The following UTRN variants were observed in gnomAD, a reference collection of about 807,000 sequenced individuals.
UTRN encodes dystrophin-related protein 1.
UTRN carries 283 observed loss-of-function variants against 463.9 expected under a neutral mutation model. The ratio of observed to expected loss-of-function variants is 0.61; its 90% CI spans 0.55 to 0.67. The LOEUF is 0.67. Among genes scored for constraint, UTRN ranks in the 30% least tolerant of loss-of-function variants. The probability of loss-of-function intolerance (pLI) is 0.00; values close to 1 mark genes in which losing one functional copy is unlikely to be tolerated. For missense variants in UTRN, 3,922 were observed against 4,084.3 expected (o/e 0.96, Z 1.08); for synonymous variants, 1,442 against 1,431.5 (o/e 1.01, Z -0.17).
intron 51 of UTRN, among the ~76,000 whole-genome samples, chr6:144,648,900 A>G (rs962059003): frequency 9.2e-5 from 14 of 152,210 alleles, no homozygotes; most frequent in Admixed American, 4.6e-4. Context: ...TTAGGATTCT[A>G]TAGGTCATTT....
At chr6:144,563,245 T>C (rs1217179272) in intron 50 of UTRN, among the ~76,000 whole-genome samples, 2 of 152,150 alleles carry the variant, frequency 1.3e-5, no homozygotes, top group Non-Finnish European at 2.9e-5. Context: ...TTTCAAAAAT[T>C]TAATTTTGAT....
At chr6:144,705,644 G>T (rs1235997274) in intron 53 of UTRN, among the ~76,000 whole-genome samples, 1 of 152,120 alleles carries the variant, frequency 6.6e-6, no homozygotes, top group Admixed American at 6.6e-5. Flanking sequence ...TGGGAGTTAG[G>T]ATTTCAACCT....
In UTRN at chr6:144,477,533, TACAC is replaced by T. The variant is rs10651559; in HGVS notation, c.3337-2254_3337-2251del. Among the ~76,000 whole-genome samples, 847 of 146,818 alleles carry T rather than the reference TACAC, an allele frequency of 5.8e-3. 5 individuals carry two copies. The highest frequency in any genetic ancestry group is 0.01 in the Middle Eastern group (3 of 288). ...TTCTCTCTCTCTGCCTTTCTCTTTA[TACAC>T]ACACACACACACACACACACACACG... is the stretch of plus-strand genomic sequence containing the variant. On this transcript the variant is annotated intron_variant, in intron 25 of 74. Transcript: ENST00000367545.
intron 53 of UTRN, among the ~76,000 whole-genome samples, chr6:144,722,285 G>C (rs1038516464): frequency 6.6e-6 from 1 of 151,384 alleles, no homozygotes; most frequent in Non-Finnish European, 1.5e-5. Context: ...TCTTTTGCCA[G>C]ATATTCTCAT....
chr6:144,795,866 T>C (rs1777167577), intron 63 of UTRN, among the ~76,000 whole-genome samples: 1 of 151,658 alleles, frequency 6.6e-6, no homozygotes, highest in African/African-American at 2.4e-5. Flanking sequence ...TTGTTTTGTT[T>C]TTGTTTGTTT....
At chr6:144,468,928 G>A (rs1263049115) in intron 23 of UTRN, among the ~76,000 whole-genome samples, 1 of 152,164 alleles carries the variant, frequency 6.6e-6, no homozygotes, top group Non-Finnish European at 1.5e-5. Flanking sequence ...CCTGTCTTCT[G>A]CCTTCACCCA....
chr6:144,430,242 C>G (rs775366228), intron 9 of UTRN, among the ~76,000 whole-genome samples: 5 of 152,010 alleles, frequency 3.3e-5, no homozygotes, highest in Non-Finnish European at 5.9e-5. Flanking sequence ...ACTTGGTGAG[C>G]TTTTCATGAA....
At chr6:144,600,965 T>A (rs539433674) in intron 51 of UTRN, among the ~76,000 whole-genome samples, 16 of 152,312 alleles carry the variant, frequency 1.1e-4, no homozygotes, top group African/African-American at 2.6e-4. Context: ...ATGTGAAATC[T>A]ATTCTATCTG....
chr6:144,482,443 T>TATG, intron 27 of UTRN, 55 bp downstream of exon 27: 2 of 1,124,938 alleles, frequency 1.8e-6, no homozygotes, highest in Non-Finnish European at 2.3e-6. Context: ...TTATTATTAT[T>TATG]TTCAGTGATG....
rs1413436326 is a variant in UTRN at position 144,827,620 on chromosome 6, A to G, written c.9543A>G (p.Gln3181=). Reference sequence around the variant, plus strand: ...TTTTTTTCTTTTAAAGCCCCTCACAATCTCCTCAACTGTTTCATGATGACA... The same window carrying G: ...TTTTTTTCTTTTAAAGCCCCTCACAGTCTCCTCAACTGTTTCATGATGACA... ...SMWPEHYDPS[Q]SPQLFHDDTH... The change falls in exon 68 of 75, where the codon CAA becomes CAG. Residue 3181 remains glutamine (Q), a synonymous_variant. Coordinates refer to ENST00000367545, the MANE Select transcript of UTRN (RefSeq NM_007124.3). 4 of 1,613,548 alleles carry G rather than the reference A, an allele frequency of 2.5e-6. No homozygotes were observed. The highest frequency in any genetic ancestry group is 2.2e-5 in the East Asian group (1 of 44,822).
At chr6:144,439,151 G>C (rs899701222) in intron 12 of UTRN, among the ~76,000 whole-genome samples, 2 of 152,076 alleles carry the variant, frequency 1.3e-5, no homozygotes, top group Admixed American at 6.6e-5. Context: ...ACTGGAGAAG[G>C]GTTCTTTTGG....
At chr6:144,504,348 C>T (rs186447878) in intron 34 of UTRN, among the ~76,000 whole-genome samples, 9 of 152,208 alleles carry the variant, frequency 5.9e-5, no homozygotes, top group African/African-American at 1.2e-4. Context: ...CAGCTTTTGC[C>T]CATTCAATAT....
chr6:144,496,714 G>T (rs527319488), intron 33 of UTRN, among the ~76,000 whole-genome samples: 5 of 152,188 alleles, frequency 3.3e-5, no homozygotes, highest in Non-Finnish European at 7.3e-5. Flanking sequence ...TACATGAGAT[G>T]ATGTCACATT....
At chr6:144,368,112 G>C (rs1158254824) in intron 2 of UTRN, among the ~76,000 whole-genome samples, 1 of 152,060 alleles carries the variant, frequency 6.6e-6, no homozygotes, top group African/African-American at 2.4e-5. Flanking sequence ...AATCCTTAGT[G>C]ATCTAAAGAC....
At chr6:144,794,175 AGACTT>A (rs1429621630) in intron 63 of UTRN, among the ~76,000 whole-genome samples, 184 bp downstream of exon 63, 1 of 152,212 alleles carries the variant, frequency 6.6e-6, no homozygotes, top group Non-Finnish European at 1.5e-5. Flanking sequence ...CCTTGCAAAG[AGACTT>A]GCTGTTTTTC....
intron 60 of UTRN, among the ~76,000 whole-genome samples, chr6:144,778,681 C>A (rs984324552): frequency 6.6e-6 from 1 of 151,964 alleles, no homozygotes; most frequent in Non-Finnish European, 1.5e-5. Flanking sequence ...GGAGAAGTGT[C>A]ACTGAAGCCC....
rs1782537440 is a variant in UTRN, at chr6:144,852,465, C to T, written c.*1468C>T. ...TAGCTGGGATCTGGCCAGAAGGAGG[C>T]TTAAAGTTAGAAATTGCTATTATTT... On this transcript the variant is annotated 3_prime_UTR_variant, in exon 75 of 75. Coordinates refer to ENST00000367545, the MANE Select transcript of UTRN (RefSeq NM_007124.3). The T allele has an allele frequency of 6.6e-6, 1 of 152,386 alleles. No homozygotes were observed. Among genetic ancestry groups the T allele is most frequent in the South Asian group, 2.1e-4 (1 of 4,824 alleles). 9.4% of individuals were successfully genotyped at this position (152,386 alleles called of 1,614,324 possible). A position where few individuals can be genotyped will look rare whatever the true frequency, so the allele number is the denominator to read the frequency against.
At position 144,754,807 on chromosome 6, in the gene UTRN, T is replaced by C; in HGVS notation, c.8434+9T>C. The C allele has an allele frequency of 6.2e-7, 1 of 1,612,210 alleles. No individual in the cohort carries two copies. Among genetic ancestry groups the C allele is most frequent in the Non-Finnish European group, 8.5e-7 (1 of 1,178,650 alleles). On this transcript the variant is annotated intron_variant, in intron 57 of 74. Coordinates refer to ENST00000367545, the MANE Select transcript of UTRN (RefSeq NM_007124.3). ...TCAGCATTTTCTCTCTAGTAAGTAC[T>C]AATAAACTGGACTGATCGCATTAAT...
chr6:144,396,221 C>G (rs1324177249), intron 2 of UTRN, among the ~76,000 whole-genome samples: 1 of 152,194 alleles, frequency 6.6e-6, no homozygotes, highest in Non-Finnish European at 1.5e-5. Flanking sequence ...CTGATACAAG[C>G]TACAACATGG....
Sources: allele counts gnomAD v4.1 joint callset (sites outside exome capture counted in the v4.1 genomes callset), GRCh38; gene constraint gnomAD v4.1.1; transcripts MANE v1.5; gene names NCBI Gene and HGNC (gene_info 2026-07-23, HGNC 2026-07-21).